The following DUSP5 variants were observed in gnomAD, a reference collection of about 807,000 sequenced individuals.
DUSP5 encodes dual specificity protein phosphatase 5.
In DUSP5, 22 loss-of-function variants were observed where a neutral mutation model predicts 33.6. That is an observed-to-expected ratio of 0.66 (90% CI 0.47 to 0.94). The LOEUF is 0.94. Among genes scored for constraint, DUSP5 ranks in the 40% least tolerant of loss-of-function variants. The probability of loss-of-function intolerance (pLI) is 0.00; values close to 1 mark genes in which losing one functional copy is unlikely to be tolerated. For synonymous variants in DUSP5, 270 were observed against 231.1 expected (o/e 1.17, Z -1.53); for missense variants, 551 against 522.1 (o/e 1.06, Z -0.54).
chr10:110,502,984 T>C, intron 2 of DUSP5, 115 bp downstream of exon 2: 1 of 1,424,086 alleles, frequency 7.0e-7, no homozygotes, highest in Non-Finnish European at 9.5e-7. Flanking sequence ...TTAGTTCTTT[T>C]GTGGATCAGG....
rs1404616328 is a variant in DUSP5 at position 110,498,184 on chromosome 10, G to T, written c.63G>T (p.Ala21=). 2 of 1,497,838 alleles carry T rather than the reference G, an allele frequency of 1.3e-6. No homozygotes were observed. Among genetic ancestry groups the T allele is most frequent in the Non-Finnish European group, 1.8e-6 (2 of 1,123,044 alleles). The allele number at this position is 1,497,838 out of a possible 1,614,324, so 92.8% of individuals were successfully genotyped here. Residue 21 remains alanine, a synonymous_variant, in exon 1 of 4, where the codon GCG becomes GCT. Transcript: ENST00000369583. ...AGATGCTCCGCAAGGAGGCGGCGGCGCGCTGCGTGGTGCTCGACTGCCGGC... is the reference window on the plus strand; with the variant it reads ...AGATGCTCCGCAAGGAGGCGGCGGCTCGCTGCGTGGTGCTCGACTGCCGGC... ...LRKMLRKEAA[A]RCVVLDCRPY... is the part of the protein sequence containing the mutation.
chr10:110,502,246 C>T (rs1860061311), intron 1 of DUSP5, among the ~76,000 whole-genome samples: 1 of 152,144 alleles, frequency 6.6e-6, no homozygotes, highest in Non-Finnish European at 1.5e-5. Flanking sequence ...CGTATCAGCC[C>T]CCATTTCCTT....
chr10:110,503,313 A>G, intron 2 of DUSP5: 1 of 158,098 alleles, frequency 6.3e-6, no homozygotes, highest in Non-Finnish European at 1.4e-5. Flanking sequence ...GTACCTGTCA[A>G]GGTGTGTCTT....
chr10:110,498,542 C>T, intron 1 of DUSP5, 42 bp downstream of exon 1: 1 of 1,397,758 alleles, frequency 7.2e-7, no homozygotes. Flanking sequence ...CCTCCGGCGC[C>T]CCCGGGTCCC....
At chr10:110,502,658 A>AT (rs1860068203) in intron 1 of DUSP5, 63 bp from the exon 2 acceptor site, 1 of 1,575,472 alleles carries the variant, frequency 6.3e-7, no homozygotes, top group African/African-American at 1.3e-5. Context: ...AACTATGGGT[A>AT]TTTTTGACAG....
In DUSP5 at chr10:110,498,235, C is replaced by G. The variant is rs758914707; in HGVS notation, c.114C>G (p.Asn38Lys). 1 of 1,508,684 alleles carries G rather than the reference C, an allele frequency of 6.6e-7. No individual in the cohort carries two copies. Among genetic ancestry groups the G allele is most frequent in the Non-Finnish European group, 8.9e-7 (1 of 1,127,714 alleles). 93.5% of individuals were successfully genotyped at this position (1,508,684 alleles called of 1,614,324 possible). Residue 38 changes from asparagine to lysine, a missense_variant, in exon 1 of 4, where the codon AAC becomes AAG. Physicochemically the swap from Asn to Lys is moderately conservative, Grantham distance 94. This residue lies in a region of DUSP5 where 381 missense variants were observed against 310.4 expected (regional missense o/e 1.23). Coordinates refer to ENST00000369583, the MANE Select transcript of DUSP5 (RefSeq NM_004419.4). ...CCTATCTGGCCTTCGCTGCCTCGAA[C>G]GTGCGCGGCTCGCTCAACGTCAACC... The part of the protein sequence containing the change: ...CRPYLAFAAS[N>K]VRGSLNVNLN...
rs1475480420 is a variant in DUSP5 at position 110,511,303 on chromosome 10, T to C, written c.*877T>C. The C allele has an allele frequency of 6.6e-6, 1 of 152,618 alleles. No individual in the cohort carries two copies. Among genetic ancestry groups the C allele is most frequent in the Non-Finnish European group, 1.5e-5 (1 of 68,050 alleles). The allele number at this position is 152,618 out of a possible 1,614,324, so 9.5% of individuals were successfully genotyped here. A position where few individuals can be genotyped will look rare whatever the true frequency, so the allele number is the denominator to read the frequency against. On this transcript the variant is annotated 3_prime_UTR_variant, in exon 4 of 4. Transcript: ENST00000369583. ...TCCTTCTGTGTGCTTATGTCTCTTG[T>C]GACAATTGTTTTCCTCCCTGCCCCT...
In DUSP5 at chr10:110,502,883, T is replaced by C; in HGVS notation, c.528+14T>C. 2.5e-6 allele frequency: 4 copies of C among 1,614,118 alleles called. No homozygotes were observed. Among genetic ancestry groups the C allele is most frequent in the Non-Finnish European group, 3.4e-6 (4 of 1,179,994 alleles). Reference sequence around the variant, plus strand: ...GCTTATGACCAGGTACGTGATGTGATGGGGAAGAGGTATCCTGAGTGGTAT... The same window carrying C: ...GCTTATGACCAGGTACGTGATGTGACGGGGAAGAGGTATCCTGAGTGGTAT... On this transcript the variant is annotated intron_variant, in intron 2 of 3. Transcript: ENST00000369583.
At position 110,510,407 on chromosome 10, in the gene DUSP5, C is replaced by T; in HGVS notation, c.1136C>T (p.Ala379Val). The change falls in exon 4 of 4, where the codon GCA becomes GTA. Residue 379 changes from alanine to valine, a missense_variant. Physicochemically the swap from Ala to Val is moderately conservative, Grantham distance 64. This residue lies in a region of DUSP5 where 158 missense variants were observed against 181.8 expected (regional missense o/e 0.87). Coordinates refer to ENST00000369583, the MANE Select transcript of DUSP5 (RefSeq NM_004419.4). ...TVSELSRSPV[A>V]TATSC is the part of the protein sequence containing the mutation. ...TCAGAGCTCAGCAGAAGCCCTGTGGCAACGGCCACATCCTGCTAAAACTGG... is the reference window on the plus strand; with the variant it reads ...TCAGAGCTCAGCAGAAGCCCTGTGGTAACGGCCACATCCTGCTAAAACTGG... 6.3e-7 allele frequency: 1 copy of T among 1,596,662 alleles called. No homozygotes were observed. Among genetic ancestry groups the T allele is most frequent in the East Asian group, 2.3e-5 (1 of 44,166 alleles).
At chr10:110,508,774 A>C (rs1305715495) in intron 3 of DUSP5, among the ~76,000 whole-genome samples, 1 of 152,214 alleles carries the variant, frequency 6.6e-6, no homozygotes, top group African/African-American at 2.4e-5. Flanking sequence ...CCTTTGAACT[A>C]ATTTAAAGAG....
In DUSP5 at chr10:110,498,195, T is replaced by C; in HGVS notation, c.74T>C (p.Val25Ala). The change falls in exon 1 of 4, where the codon GTG (valine) becomes GCG (alanine). Residue 25 changes from valine (V) to alanine (A), a missense_variant. Physicochemically the swap from Val to Ala is moderately conservative, Grantham distance 64. Coordinates refer to ENST00000369583, the MANE Select transcript of DUSP5 (RefSeq NM_004419.4). ...AAGGAGGCGGCGGCGCGCTGCGTGG[T>C]GCTCGACTGCCGGCCCTATCTGGCC... ...LRKEAAARCVVLDCRPYLAFA... is the reference protein window; with the variant it reads ...LRKEAAARCVALDCRPYLAFA... The C allele has an allele frequency of 2.7e-6, 4 of 1,503,198 alleles. No individual in the cohort carries two copies. Among genetic ancestry groups the C allele is most frequent in the Non-Finnish European group, 3.6e-6 (4 of 1,125,714 alleles). 93.1% of individuals were successfully genotyped at this position (1,503,198 alleles called of 1,614,324 possible).
At chr10:110,507,661 C>T (rs1414591802) in intron 3 of DUSP5, among the ~76,000 whole-genome samples, 1 of 152,232 alleles carries the variant, frequency 6.6e-6, no homozygotes, top group African/African-American at 2.4e-5. Context: ...TTAAAGATAG[C>T]ACTTGACTCA....
Position 110,498,510 on chromosome 10 carries a change from C to T in DUSP5, c.379+10C>T, listed in dbSNP as rs1305320555. The T allele has an allele frequency of 2.0e-6, 3 of 1,495,308 alleles. No homozygotes were observed. The highest frequency in any genetic ancestry group is 2.2e-5 in the Admixed American group (1 of 45,692). 92.6% of individuals were successfully genotyped at this position (1,495,308 alleles called of 1,614,324 possible). On this transcript the variant is annotated intron_variant, in intron 1 of 3. Coordinates refer to ENST00000369583, the MANE Select transcript of DUSP5 (RefSeq NM_004419.4). ...GTCTACTTCCTCAAAGGTGAGCGCT[C>T]GGGGTCCCTGCCACGCTCGCCCCTC...
chr10:110,497,991 C>T lies in DUSP5; in HGVS notation c.-131C>T. 1 of 755,836 alleles carries T rather than the reference C, an allele frequency of 1.3e-6. No individual in the cohort carries two copies. The highest frequency in any genetic ancestry group is 1.3e-4 in the East Asian group (1 of 7,806). 46.8% of individuals were successfully genotyped at this position (755,836 alleles called of 1,614,324 possible). ...GTTGCGCCGCCGCTCGGGCGCCGGG[C>T]TCCGTCGCGGCCGCAGCCCCGCGGG... On this transcript the variant is annotated 5_prime_UTR_variant, in exon 1 of 4. Transcript: ENST00000369583.
chr10:110,502,665 A>G, intron 1 of DUSP5, 56 bp from the exon 2 acceptor site: 1 of 1,587,614 alleles, frequency 6.3e-7, no homozygotes, highest in Non-Finnish European at 8.6e-7. Flanking sequence ...GGTATTTTTG[A>G]CAGCGTGAGA....
At chr10:110,506,908 C>G in intron 2 of DUSP5, 27 bp from the exon 3 acceptor site, 1 of 1,606,832 alleles carries the variant, frequency 6.2e-7, no homozygotes, top group Non-Finnish European at 8.5e-7. Flanking sequence ...CCAATATTTC[C>G]TGATTGTCCT....
At position 110,502,852 on chromosome 10, in the gene DUSP5, A is replaced by G; in HGVS notation, c.511A>G (p.Arg171Gly). The change falls in exon 2 of 4, where the codon AGG becomes GGG. Residue 171 changes from arginine to glycine, a missense_variant. Physicochemically the swap from Arg to Gly is moderately radical, Grantham distance 125. This residue lies in a region of DUSP5 where 381 missense variants were observed against 310.4 expected (regional missense o/e 1.23). Coordinates refer to ENST00000369583, the MANE Select transcript of DUSP5 (RefSeq NM_004419.4). Reference sequence around the variant, plus strand: ...AAAACCAGTGGTAAATGTCAGCTACAGGCCAGCTTATGACCAGGTACGTGA... The same window carrying G: ...AAAACCAGTGGTAAATGTCAGCTACGGGCCAGCTTATGACCAGGTACGTGA... ...CGKPVVNVSY[R>G]PAYDQGGPVE... 1 of 1,614,230 alleles carries G rather than the reference A, an allele frequency of 6.2e-7. No homozygotes were observed. The highest frequency in any genetic ancestry group is 1.3e-5 in the African/African-American group (1 of 75,060).
intron 2 of DUSP5, among the ~76,000 whole-genome samples, chr10:110,506,461 T>C (rs915077504): frequency 6.6e-6 from 1 of 152,124 alleles, no homozygotes; most frequent in Non-Finnish European, 1.5e-5. Context: ...ATACACTATG[T>C]AAAATGTCAA....
rs138113379 is a variant in DUSP5, at chr10:110,510,374, C to T, written c.1103C>T (p.Ser368Leu). 3.1e-4 allele frequency: 493 copies of T among 1,612,094 alleles called. No homozygotes were observed. Among genetic ancestry groups the T allele is most frequent in the Non-Finnish European group, 3.9e-4 (465 of 1,179,124 alleles). ...ASVLAPVPTH[S>L]TVSELSRSPV... Reference sequence around the variant, plus strand: ...GTGCTGGCACCGGTGCCTACCCACTCAACAGTCTCAGAGCTCAGCAGAAGC... The same window carrying T: ...GTGCTGGCACCGGTGCCTACCCACTTAACAGTCTCAGAGCTCAGCAGAAGC... The change falls in exon 4 of 4, where the codon TCA becomes TTA. Residue 368 changes from serine (S) to leucine (L), a missense_variant. Transcript: ENST00000369583.
Sources: gnomAD v4.1 joint callset for allele counts (sites outside exome capture counted in the v4.1 genomes callset) on GRCh38, gnomAD v4.1.1 for gene constraint, gnomAD v4.1.1 regional missense constraint, MANE v1.5 for transcripts, NCBI Gene and HGNC (gene_info 2026-07-23, HGNC 2026-07-21) for gene names.